Variants in IL19 observed in about 807,000 individuals in gnomAD.
IL19 encodes the protein interleukin 19, also known as interleukin-19.
IL19 carries 15 observed loss-of-function variants against 19.5 expected under a neutral mutation model. The observed-to-expected ratio is 0.77, with a 90% CI of 0.52 to 1.19. IL19 has a LOEUF of 1.19. Among genes scored for constraint, IL19 ranks in the 50% most tolerant of loss-of-function variants. The pLI is 0.00. For synonymous variants in IL19, 78 were observed against 78.3 expected (o/e 1.00, Z 0.02); for missense variants, 199 against 213.1 (o/e 0.93, Z 0.41).
At chr1:206,810,692 A>G (rs960116799) in intron 2 of IL19, among the ~76,000 whole-genome samples, 2 of 152,216 alleles carry the variant, frequency 1.3e-5, no homozygotes, top group African/African-American at 4.8e-5. Context: ...AGACAAGGGG[A>G]CTGCAAATAC....
intron 1 of IL19, among the ~76,000 whole-genome samples, chr1:206,790,022 T>C (rs1411665350): frequency 1.3e-5 from 2 of 152,238 alleles, no homozygotes; most frequent in Admixed American, 6.5e-5. Flanking sequence ...TTGATATATA[T>C]AGTGACTTCT....
chr1:206,820,333 A>G (rs1676262880), intron 2 of IL19, among the ~76,000 whole-genome samples: 1 of 152,202 alleles, frequency 6.6e-6, no homozygotes, highest in African/African-American at 2.4e-5. Context: ...AGATACCAGC[A>G]TACCAACCCA....
chr1:206,833,678 T>G, intron 2 of IL19: 1 of 985,584 alleles, frequency 1.0e-6, no homozygotes, highest in African/African-American at 1.7e-5. Flanking sequence ...GTCCTGGCTC[T>G]GCCACTGGCT....
chr1:206,798,785 C>A (rs1405882150), intron 1 of IL19, 76 bp from the exon 2 acceptor site: 2 of 750,906 alleles, frequency 2.7e-6, no homozygotes, highest in African/African-American at 1.8e-5. Context: ...GCACTTTTGC[C>A]GACCTCAAAG....
intron 2 of IL19, among the ~76,000 whole-genome samples, chr1:206,823,897 C>A (rs1676359415): frequency 6.6e-6 from 1 of 152,178 alleles, no homozygotes; most frequent in Non-Finnish European, 1.5e-5. Flanking sequence ...ATTCTCAAAG[C>A]TCAAAGCCAT....
intron 2 of IL19, among the ~76,000 whole-genome samples, chr1:206,815,376 A>T (rs1381467764): frequency 6.6e-6 from 1 of 152,222 alleles, no homozygotes; most frequent in African/African-American, 2.4e-5. Flanking sequence ...TAATTTTGGT[A>T]CCATGTTTTA....
chr1:206,833,579 C>A lies in IL19; in HGVS notation c.-2-3082C>A, dbSNP rs955568899. On this transcript the variant is annotated intron_variant, in intron 2 of 6. Coordinates refer to ENST00000659997, the MANE Select transcript of IL19 (RefSeq NM_153758.5). ...TACCCTATCTTTTCATTGCCCCAAA[C>A]CTGATCCCTAGAGAACTTCTTGGTA... 1.9e-5 allele frequency: 14 copies of A among 735,136 alleles called. No individual in the cohort carries two copies. In the African/African-American group the frequency reaches 2.1e-4, roughly 11 times the overall value. The allele number at this position is 735,136 out of a possible 1,614,324, so 45.5% of individuals were successfully genotyped here. A position where few individuals can be genotyped will look rare whatever the true frequency, so the allele number is the denominator to read the frequency against.
At chr1:206,830,856 C>T (rs1353252604) in intron 2 of IL19, among the ~76,000 whole-genome samples, 5 of 152,224 alleles carry the variant, frequency 3.3e-5, no homozygotes, top group African/African-American at 9.6e-5. Flanking sequence ...GGATTACAGG[C>T]GTGAGCCACC....
At chr1:206,782,593 G>A (rs1226899364) in intron 1 of IL19, among the ~76,000 whole-genome samples, 1 of 152,218 alleles carries the variant, frequency 6.6e-6, no homozygotes, top group East Asian at 1.9e-4. Flanking sequence ...TGGTCTTTCA[G>A]TTTAGCAGCT....
chr1:206,773,586 TTGTGTGTGTG>T lies in IL19; in HGVS notation c.-149+2544_-149+2553del, dbSNP rs2234662. 1.5e-3 allele frequency among the ~76,000 whole-genome samples: 197 copies of T among 131,868 alleles called. 1 individual carries two copies. The highest frequency in any genetic ancestry group is 5.2e-3 in the African/African-American group (180 of 34,682). The allele number at this position is 131,868 out of a possible 152,430, so 86.5% of individuals were successfully genotyped here. A position where few individuals can be genotyped will look rare whatever the true frequency, so the allele number is the denominator to read the frequency against. On this transcript the variant is annotated intron_variant, in intron 1 of 6. Coordinates refer to ENST00000659997, the MANE Select transcript of IL19 (RefSeq NM_153758.5). ...AAGCCTTAGTAGTGTTGTCTTGGAT[TTGTGTGTGTG>T]TGTGTGTGTGTGTGTGTGTGTGTGT... is the stretch of plus-strand genomic sequence containing the variant.
intron 2 of IL19, among the ~76,000 whole-genome samples, chr1:206,826,481 C>T (rs1676435840): frequency 6.6e-6 from 1 of 152,296 alleles, no homozygotes; most frequent in South Asian, 2.1e-4. Flanking sequence ...AAGATGCAGT[C>T]CTCGTCCCTG....
chr1:206,823,567 A>T (rs1558618571), intron 2 of IL19, among the ~76,000 whole-genome samples: 2 of 151,568 alleles, frequency 1.3e-5, no homozygotes, highest in Non-Finnish European at 2.9e-5. Context: ...AAAAAAAGAC[A>T]CCAAGACACC....
chr1:206,808,229 G>T (rs1421385814), intron 2 of IL19, among the ~76,000 whole-genome samples: 1 of 152,248 alleles, frequency 6.6e-6, no homozygotes, highest in Admixed American at 6.5e-5. Context: ...TACTCTGGTG[G>T]CTGAGGCACG....
chr1:206,831,390 C>G (rs1053540954), intron 2 of IL19, among the ~76,000 whole-genome samples: 2 of 152,158 alleles, frequency 1.3e-5, no homozygotes, highest in Non-Finnish European at 2.9e-5. Context: ...AATTCTAAGG[C>G]AGATGCAACC....
chr1:206,828,625 C>T (rs1303037707), intron 2 of IL19, among the ~76,000 whole-genome samples: 1 of 152,240 alleles, frequency 6.6e-6, no homozygotes, highest in East Asian at 1.9e-4. Flanking sequence ...ATACCATTCT[C>T]TGGTTCTCCC....
intron 2 of IL19, among the ~76,000 whole-genome samples, chr1:206,824,203 G>A (rs1444710881): frequency 6.6e-6 from 1 of 152,194 alleles, no homozygotes; most frequent in Non-Finnish European, 1.5e-5. Flanking sequence ...ACGGAGTTAA[G>A]AAGCCTAGGT....
At chr1:206,815,209 A>G (rs1400323874) in intron 2 of IL19, among the ~76,000 whole-genome samples, 3 of 152,204 alleles carry the variant, frequency 2.0e-5, no homozygotes, top group African/African-American at 7.2e-5. Context: ...GGTTCCAAGA[A>G]CAAACAGCCT....
At chr1:206,797,795 C>T (rs927232917) in intron 1 of IL19, among the ~76,000 whole-genome samples, 1 of 152,104 alleles carries the variant, frequency 6.6e-6, no homozygotes, top group Admixed American at 6.5e-5. Context: ...GAGAAGGTGT[C>T]GTGGTTGGCA....
At chr1:206,793,961 G>T (rs1351393775) in intron 1 of IL19, among the ~76,000 whole-genome samples, 1 of 152,108 alleles carries the variant, frequency 6.6e-6, no homozygotes, top group Non-Finnish European at 1.5e-5. Flanking sequence ...TAAGGCTAGC[G>T]TTACAGCACC....
Sources: allele counts gnomAD v4.1 joint callset (sites outside exome capture counted in the v4.1 genomes callset), GRCh38; gene constraint gnomAD v4.1.1; transcripts MANE v1.5; gene names NCBI Gene and HGNC (gene_info 2026-07-23, HGNC 2026-07-21).